The following GPHN variants were observed in gnomAD, a reference collection of about 807,000 sequenced individuals.
GPHN encodes gephyrin.
A neutral mutation model predicts 95.5 loss-of-function variants in GPHN; 17 were observed. The observed-to-expected ratio is 0.18, with a 90% CI of 0.12 to 0.27. GPHN has a LOEUF of 0.27. Ranked by LOEUF, GPHN falls within the 10% of genes least tolerant of loss-of-function variation. The pLI, the probability that GPHN is intolerant of heterozygous loss-of-function variation, is 1.00. For synonymous variants in GPHN, 320 were observed against 322.5 expected (o/e 0.99, Z 0.08); for missense variants, 660 against 978.1 (o/e 0.67, Z 4.34).
At chr14:67,337,220 T>C in the GPHN span, among the ~76,000 whole-genome samples, 1 of 152,216 alleles carries the variant, frequency 6.6e-6, no homozygotes, top group Admixed American at 6.5e-5. Context: ...ACTTTAAAAC[T>C]GCCTAGACTG....
At chr14:67,177,020 A>G (rs2083007081) in intron 21 of GPHN, among the ~76,000 whole-genome samples, 1 of 152,154 alleles carries the variant, frequency 6.6e-6, no homozygotes, top group Admixed American at 6.5e-5. Flanking sequence ...ACCTTTTCAA[A>G]AAACCAGCTC....
At chr14:67,303,657 T>C in the GPHN span, 3 of 1,139,190 alleles carry the variant, frequency 2.6e-6, no homozygotes, top group Admixed American at 3.4e-5. Context: ...TTACTTCTGT[T>C]ACTGTTTACT....
At chr14:67,253,343 T>C in the GPHN span, among the ~76,000 whole-genome samples, 2,998 of 152,324 alleles carry the variant, frequency 0.02, 41 homozygotes, top group Middle Eastern at 0.034. Flanking sequence ...TGAATAATTA[T>C]AATTGTATGT....
chr14:67,450,837 G>A, the GPHN span, among the ~76,000 whole-genome samples: 2 of 152,246 alleles, frequency 1.3e-5, no homozygotes, highest in Non-Finnish European at 2.9e-5. Context: ...TAAGTAACGA[G>A]GAGTTGAATG....
the GPHN span, among the ~76,000 whole-genome samples, chr14:67,682,076 T>C: frequency 6.6e-6 from 1 of 152,186 alleles, no homozygotes; most frequent in East Asian, 1.9e-4. Flanking sequence ...CCAGGCACCA[T>C]GTTCTTAGAC....
At chr14:67,549,920 C>A in the GPHN span, among the ~76,000 whole-genome samples, 10 of 152,208 alleles carry the variant, frequency 6.6e-5, no homozygotes, top group Admixed American at 1.3e-4. Context: ...GTGATTCTTA[C>A]GCCCTTGAAA....
chr14:67,236,303 C>T, the GPHN span, among the ~76,000 whole-genome samples: 1 of 152,152 alleles, frequency 6.6e-6, no homozygotes, highest in Admixed American at 6.5e-5. Flanking sequence ...ATTGTGAGTA[C>T]TTTCAGAGCA....
At chr14:66,778,596 G>A (rs1229874550) in intron 3 of GPHN, among the ~76,000 whole-genome samples, 5 of 151,904 alleles carry the variant, frequency 3.3e-5, no homozygotes, top group African/African-American at 1.2e-4. Context: ...GACATGTAAA[G>A]ATCTCAACAA....
intron 2 of GPHN, among the ~76,000 whole-genome samples, chr14:66,688,381 A>T (rs1460215558): frequency 2.0e-5 from 3 of 152,194 alleles, no homozygotes; most frequent in African/African-American, 4.8e-5. Context: ...AAAAGTCTGC[A>T]TGCATGTAAG....
the GPHN span, chr14:67,204,789 T>C: frequency 6.2e-7 from 1 of 1,613,988 alleles, no homozygotes; most frequent in East Asian, 2.2e-5. Flanking sequence ...GCTCCATGGA[T>C]GTGACGGATG....
the GPHN span, among the ~76,000 whole-genome samples, chr14:67,572,786 C>T: frequency 6.6e-6 from 1 of 152,322 alleles, no homozygotes; most frequent in South Asian, 2.1e-4. Flanking sequence ...TCGCCCCACA[C>T]CTCTCTGCTG....
the GPHN span, chr14:67,449,808 G>C: frequency 6.6e-6 from 1 of 152,198 alleles, no homozygotes; most frequent in Non-Finnish European, 1.5e-5. Flanking sequence ...TTAAAAAATA[G>C]GAGTTTTGGC....
At chr14:66,567,121 A>C (rs1423093154) in intron 1 of GPHN, among the ~76,000 whole-genome samples, 2 of 152,172 alleles carry the variant, frequency 1.3e-5, no homozygotes, top group Non-Finnish European at 2.9e-5. Flanking sequence ...CATGGATGGC[A>C]TCCAGTCCCC....
intron 5 of GPHN, among the ~76,000 whole-genome samples, chr14:66,909,596 A>G (rs2153554489): frequency 6.6e-6 from 1 of 152,148 alleles, no homozygotes; most frequent in Non-Finnish European, 1.5e-5. Context: ...CAGAAAAAGC[A>G]TTTGATAAAA....
intron 19 of GPHN, among the ~76,000 whole-genome samples, chr14:67,163,608 A>G (rs1277148232): frequency 6.6e-6 from 1 of 152,194 alleles, no homozygotes; most frequent in African/African-American, 2.4e-5. Flanking sequence ...GTACACATTA[A>G]TAATGATGGC....
chr14:67,324,496 G>A, the GPHN span, among the ~76,000 whole-genome samples: 4,577 of 152,024 alleles, frequency 0.03, 85 homozygotes, highest in Non-Finnish European at 0.036. Flanking sequence ...TCATTTCATT[G>A]ACTATGCCTT....
chr14:66,777,725 C>T (rs1344564365), intron 3 of GPHN, among the ~76,000 whole-genome samples: 3 of 152,200 alleles, frequency 2.0e-5, no homozygotes, highest in African/African-American at 7.2e-5. Context: ...ACAAAAACCA[C>T]ATGATTATCT....
chr14:67,195,382 G>A, the GPHN span, among the ~76,000 whole-genome samples: 1 of 152,050 alleles, frequency 6.6e-6, no homozygotes, highest in Non-Finnish European at 1.5e-5. Context: ...TTTGCTCTCT[G>A]GAAGGAGAAT....
intron 1 of GPHN, among the ~76,000 whole-genome samples, chr14:66,553,139 G>A (rs1284797087): frequency 7.9e-5 from 12 of 151,826 alleles, no homozygotes; most frequent in African/African-American, 2.9e-4. Flanking sequence ...ACAGGTGCCC[G>A]CTACCATGCC....
Sources: gnomAD v4.1 joint callset for allele counts (sites outside exome capture counted in the v4.1 genomes callset) on GRCh38, gnomAD v4.1.1 for gene constraint, MANE v1.5 for transcripts, NCBI Gene and HGNC (gene_info 2026-07-23, HGNC 2026-07-21) for gene names.